The following DLGAP2 variants were observed in gnomAD, a reference collection of about 807,000 sequenced individuals.
DLGAP2 encodes DLG associated protein 2, also known as disks large-associated protein 2.
DLGAP2 carries 26 observed loss-of-function variants against 100.3 expected under a neutral mutation model. The ratio of observed to expected loss-of-function variants is 0.26; its 90% CI spans 0.19 to 0.36. DLGAP2 has a LOEUF of 0.36. Ranked by LOEUF, DLGAP2 falls within the 10% of genes least tolerant of loss-of-function variation. DLGAP2 has a pLI of 1.00. For synonymous variants in DLGAP2, 886 were observed against 630.1 expected, an observed-to-expected ratio of 1.41 and a Z score of -6.08; for missense variants, 1,858 against 1,453.2, an observed-to-expected ratio of 1.28 and a Z score of -4.53.
At chr8:1,235,295 C>T (rs1180508700) in intron 2 of DLGAP2, among the ~76,000 whole-genome samples, 1 of 151,318 alleles carries the variant, frequency 6.6e-6, no homozygotes, top group Non-Finnish European at 1.5e-5. Flanking sequence ...GTCTAGTTCC[C>T]TCACACATGG....
At position 1,534,995 on chromosome 8, in the gene DLGAP2, C is replaced by G. The variant is rs139022206; in HGVS notation, c.173-13631C>G. Among the ~76,000 whole-genome samples the G allele has an allele frequency of 9.6e-4, 147 of 152,352 alleles. 2 individuals carry two copies. The Middle Eastern group carries it at 0.01, about 11-fold the overall frequency. ...GGCCTTTTGACTCCATTTGCCAGAG[C>G]GCACTGTTTTCGTGTCCCAAGCGTT... On this transcript the variant is annotated intron_variant, in intron 4 of 14. Transcript: ENST00000637795.
intron 2 of DLGAP2, among the ~76,000 whole-genome samples, chr8:1,121,109 G>C (rs1247972689): frequency 1.3e-5 from 2 of 151,108 alleles, no homozygotes; most frequent in African/African-American, 4.9e-5. Context: ...CATTCCTTCA[G>C]ACCCCATGAC....
At chr8:1,639,248 A>G (rs6990161) in intron 8 of DLGAP2, among the ~76,000 whole-genome samples, 23,020 of 152,214 alleles carry the variant, frequency 0.15, 3,281 homozygotes, top group African/African-American at 0.38. Flanking sequence ...CAGCGTCAGC[A>G]TCGTGGGGAG....
At chr8:1,306,515 T>A (rs185327838) in intron 3 of DLGAP2, among the ~76,000 whole-genome samples, 27 of 152,290 alleles carry the variant, frequency 1.8e-4, no homozygotes, top group African/African-American at 6.0e-4. Context: ...CTACTAATGG[T>A]GGGTTTTTGA....
intron 3 of DLGAP2, among the ~76,000 whole-genome samples, chr8:1,295,850 C>A (rs1800160461): frequency 6.6e-6 from 1 of 152,266 alleles, no homozygotes; most frequent in South Asian, 2.1e-4. Context: ...ATTTACACAC[C>A]TTCTCATGGC....
chr8:1,154,785 A>C (rs1000684022), intron 2 of DLGAP2, among the ~76,000 whole-genome samples: 8 of 152,076 alleles, frequency 5.3e-5, no homozygotes, highest in Non-Finnish European at 5.9e-5. Context: ...CCTGCCGTCC[A>C]TCCCGCCCTA....
At chr8:1,421,159 A>G (rs933529186) in intron 3 of DLGAP2, among the ~76,000 whole-genome samples, 2 of 151,944 alleles carry the variant, frequency 1.3e-5, no homozygotes, top group African/African-American at 4.9e-5. Context: ...GTGGTTCATA[A>G]TAAACAGGAA....
chr8:1,636,366 A>G (rs1229067136), intron 8 of DLGAP2, among the ~76,000 whole-genome samples: 1 of 152,178 alleles, frequency 6.6e-6, no homozygotes, highest in East Asian at 1.9e-4. Flanking sequence ...GACTTATTTT[A>G]TTATTTATAT....
intron 4 of DLGAP2, among the ~76,000 whole-genome samples, chr8:1,503,196 T>C (rs1443641629): frequency 6.6e-6 from 1 of 152,160 alleles, no homozygotes; most frequent in East Asian, 1.9e-4. Flanking sequence ...ATTAAATGCA[T>C]TCATGTTGCT....
At chr8:1,366,048 G>A (rs147090746) in intron 3 of DLGAP2, among the ~76,000 whole-genome samples, 76 of 152,364 alleles carry the variant, frequency 5.0e-4, no homozygotes, top group African/African-American at 1.8e-3. Flanking sequence ...CCCAGGAACC[G>A]CAGCCGGGCA....
intron 6 of DLGAP2, among the ~76,000 whole-genome samples, chr8:1,596,307 A>G (rs924262804): frequency 2.0e-5 from 3 of 152,100 alleles, no homozygotes; most frequent in Non-Finnish European, 2.9e-5. Flanking sequence ...AGTCTTTGCT[A>G]TTGTGAATAG....
intron 2 of DLGAP2, among the ~76,000 whole-genome samples, chr8:999,826 C>CT (rs1382837285): frequency 1.3e-5 from 2 of 152,188 alleles, no homozygotes; most frequent in Non-Finnish European, 2.9e-5. Flanking sequence ...TGTGCAATTT[C>CT]TTTTTTCATC....
chr8:1,303,416 A>G (rs1280365219), intron 3 of DLGAP2, among the ~76,000 whole-genome samples: 11 of 77,232 alleles, frequency 1.4e-4, no homozygotes, highest in South Asian at 3.6e-4. Context: ...AAAAAAAAAA[A>G]AAAAAAAAAA....
chr8:1,100,752 C>T (rs1266128940), intron 2 of DLGAP2, among the ~76,000 whole-genome samples: 1 of 152,112 alleles, frequency 6.6e-6, no homozygotes, highest in Non-Finnish European at 1.5e-5. Context: ...TGATCTGCCA[C>T]GCAGGACAGA....
chr8:938,815 G>A (rs558896282), intron 2 of DLGAP2, among the ~76,000 whole-genome samples: 6 of 152,286 alleles, frequency 3.9e-5, no homozygotes, highest in African/African-American at 9.6e-5. Context: ...CCCAGGTCTC[G>A]GCTCTCATTG....
intron 1 of DLGAP2, among the ~76,000 whole-genome samples, chr8:759,788 G>A (rs192623430): frequency 2.0e-5 from 3 of 152,260 alleles, no homozygotes; most frequent in East Asian, 1.9e-4. Context: ...CCCCTCTCTC[G>A]ATAGAATTGA....
chr8:936,121 CTG>C (rs1799064697), intron 2 of DLGAP2, among the ~76,000 whole-genome samples: 1 of 152,074 alleles, frequency 6.6e-6, no homozygotes, highest in African/African-American at 2.4e-5. Flanking sequence ...GAACAGAACA[CTG>C]TGTACCGTGT....
intron 2 of DLGAP2, among the ~76,000 whole-genome samples, chr8:1,173,546 C>T (rs1229077141): frequency 2.0e-5 from 3 of 152,206 alleles, no homozygotes; most frequent in Non-Finnish European, 4.4e-5. Context: ...CCAGTTGGAG[C>T]TTCCCGGTTG....
chr8:1,501,055 A>C (rs990594889), intron 3 of DLGAP2, among the ~76,000 whole-genome samples: 4 of 152,130 alleles, frequency 2.6e-5, no homozygotes, highest in African/African-American at 9.7e-5. Context: ...TTCCAATGCA[A>C]ATAAGGCCTA....
Sources: gnomAD v4.1 joint callset for allele counts (sites outside exome capture counted in the v4.1 genomes callset) on GRCh38, gnomAD v4.1.1 for gene constraint, MANE v1.5 for transcripts, NCBI Gene and HGNC (gene_info 2026-07-23, HGNC 2026-07-21) for gene names.